The following CC2D2B variants were observed in gnomAD, a reference collection of about 807,000 sequenced individuals.
CC2D2B encodes coiled-coil and C2 domain containing 2B.
A neutral mutation model predicts 161.2 loss-of-function variants in CC2D2B; 128 were observed. The observed-to-expected ratio is 0.79, with a 90% CI of 0.69 to 0.92. CC2D2B has a LOEUF of 0.92. Ranked by LOEUF, CC2D2B falls within the 40% of genes least tolerant of loss-of-function variation. CC2D2B has a pLI of 0.00. For missense variants in CC2D2B, 1,173 were observed against 1,375.1 expected (o/e 0.85, Z 2.32); for synonymous variants, 391 against 449.8 (o/e 0.87, Z 1.65).
At chr10:95,994,305 A>G (rs2078142677) in intron 22 of CC2D2B, among the ~76,000 whole-genome samples, 1 of 152,084 alleles carries the variant, frequency 6.6e-6, no homozygotes, top group Non-Finnish European at 1.5e-5. Context: ...CAGGGAAGGC[A>G]GCATACATCA....
intron 19 of CC2D2B, among the ~76,000 whole-genome samples, chr10:95,985,740 C>G (rs1453522652): frequency 1.3e-5 from 2 of 152,180 alleles, no homozygotes. Context: ...CCATATTTCT[C>G]TTCTGTCAAA....
At chr10:95,940,068 T>TGGGA (rs1457351592) in intron 9 of CC2D2B, among the ~76,000 whole-genome samples, 1 of 152,104 alleles carries the variant, frequency 6.6e-6, no homozygotes, top group Admixed American at 6.6e-5. Flanking sequence ...AAGAAACTTC[T>TGGGA]GGGAGGCCTC....
chr10:95,910,628 T>C (rs946255932), intron 1 of CC2D2B, among the ~76,000 whole-genome samples: 1 of 152,190 alleles, frequency 6.6e-6, no homozygotes, highest in Non-Finnish European at 1.5e-5. Context: ...GGAATCACAT[T>C]TCAACATGAG....
Position 96,032,663 on chromosome 10 carries a change from A to G in CC2D2B, c.*655A>G, listed in dbSNP as rs561036339. 8.3e-5 allele frequency: 30 copies of G among 362,186 alleles called. No individual in the cohort carries two copies. Among genetic ancestry groups the G allele is most frequent in the South Asian group, 6.1e-4 (27 of 44,364 alleles). 22.4% of individuals were successfully genotyped at this position (362,186 alleles called of 1,614,324 possible). A position where few individuals can be genotyped will look rare whatever the true frequency, so the allele number is the denominator to read the frequency against. ...TTTCACTGGTAAAGAAAAATAAAAT[A>G]AAATCTACCATGTTGGGCTGATGTT... is the stretch of plus-strand genomic sequence containing the variant. On this transcript the variant is annotated 3_prime_UTR_variant, in exon 35 of 35. Transcript: ENST00000646931.
Position 95,974,024 on chromosome 10 carries a change from T to G in CC2D2B, c.1811T>G (p.Leu604Arg). 8.1e-7 allele frequency: 1 copy of G among 1,231,654 alleles called. No homozygotes were observed. Among genetic ancestry groups the G allele is most frequent in the Non-Finnish European group, 1.0e-6 (1 of 987,546 alleles). 76.3% of individuals were successfully genotyped at this position (1,231,654 alleles called of 1,614,324 possible). A position where few individuals can be genotyped will look rare whatever the true frequency, so the allele number is the denominator to read the frequency against. ...GEVGSNVPFL[L>R]EGNGTEELCL... ...TTATAAACAGATGTGCCTTTTCTTCTTGAGGGAAATGGAACTGAAGAACTC... is the reference window on the plus strand; with the variant it reads ...TTATAAACAGATGTGCCTTTTCTTCGTGAGGGAAATGGAACTGAAGAACTC... The change falls in exon 17 of 35, where the codon CTT (leucine) becomes CGT (arginine). Residue 604 changes from leucine (L) to arginine (R), a missense_variant. Physicochemically the swap from Leu to Arg is moderately radical, Grantham distance 102 (BLOSUM62 -2). This residue lies in a region of CC2D2B where 277 missense variants were observed against 420.6 expected (regional missense o/e 0.66). Coordinates refer to ENST00000646931, the MANE Select transcript of CC2D2B (RefSeq NM_001349008.3).
At position 95,992,077 on chromosome 10, in the gene CC2D2B, G is replaced by A. The variant is rs1336454; in HGVS notation, c.2472-450G>A. 7.0e-3 allele frequency among the ~76,000 whole-genome samples: 1,073 copies of A among 152,262 alleles called. 20 individuals are homozygous for A. Among genetic ancestry groups the A allele is most frequent in the African/African-American group, 0.025 (1,018 of 41,534 alleles). ...TTGTGTTTTACTTTTCAGTCCTTGAGGGGAAAATGAGTGTGACCATAAAAC... is the reference window on the plus strand; with the variant it reads ...TTGTGTTTTACTTTTCAGTCCTTGAAGGGAAAATGAGTGTGACCATAAAAC... On this transcript the variant is annotated intron_variant, in intron 21 of 34. Coordinates refer to ENST00000646931, the MANE Select transcript of CC2D2B (RefSeq NM_001349008.3).
chr10:95,965,940 T>C lies in CC2D2B; in HGVS notation c.1295T>C (p.Met432Thr). The C allele has an allele frequency of 8.2e-7, 1 of 1,218,574 alleles. No individual in the cohort carries two copies. The highest frequency in any genetic ancestry group is 4.2e-5 in the South Asian group (1 of 24,054). 75.5% of individuals were successfully genotyped at this position (1,218,574 alleles called of 1,614,324 possible). A position where few individuals can be genotyped will look rare whatever the true frequency, so the allele number is the denominator to read the frequency against. Residue 432 changes from methionine (M) to threonine (T), a missense_variant, in exon 13 of 35, where the codon ATG becomes ACG. Around this residue, in one of 3 missense-constraint regions of CC2D2B, gnomAD observed 277 missense variants for 420.6 expected, o/e 0.66. Coordinates refer to ENST00000646931, the MANE Select transcript of CC2D2B (RefSeq NM_001349008.3). ...KCDEQEQISE[M>T]SETEKKNEGK... ...GATGAACAAGAGCAAATCTCAGAAA[T>C]GTCTGAAACTGAGAAGAAAAATGAA...
chr10:95,976,993 G>T (rs985041535), intron 17 of CC2D2B, among the ~76,000 whole-genome samples: 1 of 152,168 alleles, frequency 6.6e-6, no homozygotes, highest in Admixed American at 6.5e-5. Flanking sequence ...CAGGTGATCC[G>T]CCTGGCTCCA....
intron 10 of CC2D2B, among the ~76,000 whole-genome samples, chr10:95,952,070 T>C (rs1321877654): frequency 6.6e-6 from 1 of 152,196 alleles, no homozygotes; most frequent in Non-Finnish European, 1.5e-5. Context: ...GGCCTCCCAC[T>C]AAAAGATTAA....
chr10:95,934,584 C>G (rs2075746509), intron 6 of CC2D2B, among the ~76,000 whole-genome samples: 1 of 152,198 alleles, frequency 6.6e-6, no homozygotes, highest in Admixed American at 6.5e-5. Context: ...TTGAGAAGAC[C>G]ATGGGAAAAG....
intron 6 of CC2D2B, among the ~76,000 whole-genome samples, chr10:95,936,510 C>T (rs1455100796): frequency 6.6e-6 from 1 of 152,132 alleles, no homozygotes; most frequent in African/African-American, 2.4e-5. Context: ...CCCTTTTTTA[C>T]TGCACAAAAC....
intron 3 of CC2D2B, among the ~76,000 whole-genome samples, chr10:95,922,909 C>G (rs556530383): frequency 9.7e-4 from 148 of 151,944 alleles, no homozygotes; most frequent in Non-Finnish European, 1.8e-3. Flanking sequence ...AAGCGGTGGT[C>G]CCACCTCAGC....
At chr10:95,965,774 A>C in intron 12 of CC2D2B, 122 bp from the exon 13 acceptor site, 25 of 370,996 alleles carry the variant, frequency 6.7e-5, no homozygotes, top group Middle Eastern at 6.8e-4. Context: ...ATTACTTGTA[A>C]GAGATTGGTT....
chr10:95,929,020 T>A (rs1040964557), intron 6 of CC2D2B, among the ~76,000 whole-genome samples: 12 of 152,264 alleles, frequency 7.9e-5, no homozygotes, highest in Middle Eastern at 3.4e-3. Flanking sequence ...CCACCAACAG[T>A]GTAAAAGTGT....
At chr10:95,990,504 G>A (rs1039205225) in intron 20 of CC2D2B, among the ~76,000 whole-genome samples, 1 of 152,146 alleles carries the variant, frequency 6.6e-6, no homozygotes, top group African/African-American at 2.4e-5. Context: ...GAAAGTGGGA[G>A]AAGAGAGAGA....
Position 96,032,064 on chromosome 10 carries a change from A to G in CC2D2B, c.*56A>G. 1 of 1,340,340 alleles carries G rather than the reference A, an allele frequency of 7.5e-7. No homozygotes were observed. The highest frequency in any genetic ancestry group is 1.0e-6 in the Non-Finnish European group (1 of 971,696). The allele number at this position is 1,340,340 out of a possible 1,614,324, so 83.0% of individuals were successfully genotyped here. ...CTATAGTCCTCTAGTACCAACAAAA[A>G]CTTTTCTGGTACCTTGAGATTTTGC... On this transcript the variant is annotated 3_prime_UTR_variant, in exon 35 of 35. Coordinates refer to ENST00000646931, the MANE Select transcript of CC2D2B (RefSeq NM_001349008.3).
intron 32 of CC2D2B, among the ~76,000 whole-genome samples, chr10:96,023,943 T>G (rs1180220341): frequency 6.6e-6 from 1 of 152,210 alleles, no homozygotes; most frequent in Non-Finnish European, 1.5e-5. Flanking sequence ...GCCTATCAAA[T>G]GTTGCCTCCT....
In CC2D2B at chr10:95,992,575, A is replaced by C; in HGVS notation, c.2520A>C (p.Leu840Phe). 8.1e-7 allele frequency: 1 copy of C among 1,234,336 alleles called. No homozygotes were observed. The highest frequency in any genetic ancestry group is 1.5e-5 in the African/African-American group (1 of 64,626). The allele number at this position is 1,234,336 out of a possible 1,614,324, so 76.5% of individuals were successfully genotyped here. A position where few individuals can be genotyped will look rare whatever the true frequency, so the allele number is the denominator to read the frequency against. ...VCKFVEPRRK[L>F]KPQRKERKKV... The stretch of plus-strand genomic sequence containing the variant: ...AGTTTGTTGAACCACGGAGAAAGTT[A>C]AAACCTCAGAGGAAAGAAAGGAAAA... Residue 840 changes from leucine to phenylalanine, a missense_variant, in exon 22 of 35, where the codon TTA becomes TTC. Leu to Phe is a conservative substitution (Grantham distance 22). Around this residue, in one of 3 missense-constraint regions of CC2D2B, gnomAD observed 598 missense variants for 693.2 expected, o/e 0.86. Transcript: ENST00000646931.
chr10:95,991,511 T>C (rs1564646609), intron 21 of CC2D2B, 50 bp downstream of exon 21: 2 of 525,484 alleles, frequency 3.8e-6, no homozygotes, highest in Non-Finnish European at 5.8e-6. Context: ...TAAGATAATA[T>C]CTTTAAAATC....
Sources: gnomAD v4.1 joint callset for allele counts (sites outside exome capture counted in the v4.1 genomes callset) on GRCh38, gnomAD v4.1.1 for gene constraint, gnomAD v4.1.1 regional missense constraint, MANE v1.5 for transcripts, NCBI Gene and HGNC (gene_info 2026-07-23, HGNC 2026-07-21) for gene names.